The following SEMA3B variants were observed in gnomAD, a reference collection of about 807,000 sequenced individuals.
The protein encoded by SEMA3B is semaphorin 3B.
Under a neutral mutation model 77.8 loss-of-function variants are expected in SEMA3B, and 71 were observed. That is an observed-to-expected ratio of 0.91 (90% confidence interval 0.75 to 1.11). SEMA3B has a LOEUF of 1.11. SEMA3B is among the 50% of genes most tolerant of loss of function. The pLI is 0.00. For missense variants in SEMA3B, 968 were observed against 1,056.8 expected, an observed-to-expected ratio of 0.92 and a Z score of 1.17; for synonymous variants, 470 against 452.9, an observed-to-expected ratio of 1.04 and a Z score of -0.48.
At position 50,270,626 on chromosome 3, in the gene SEMA3B, G is replaced by A; in HGVS notation, c.330+131G>A. 2 of 1,325,772 alleles carry A rather than the reference G, an allele frequency of 1.5e-6. No homozygotes were observed. The highest frequency in any genetic ancestry group is 2.1e-6 in the Non-Finnish European group (2 of 960,964). 82.1% of individuals were successfully genotyped at this position (1,325,772 alleles called of 1,614,324 possible). On this transcript the variant is annotated intron_variant, in intron 3 of 16. Transcript: ENST00000616701. This position sits in a 1 kb window ranked among gnomAD's most constrained non-coding sequence, Gnocchi z 4.7. ...AGGGAGGTCGAGGTGGCTGAGGTCT[G>A]GGGGTGGTGAGTCAGGGTGGGGGCT...
upstream of SEMA3B, among the ~76,000 whole-genome samples, chr3:50,264,953 C>T (rs977244187): frequency 1.1e-4 from 17 of 151,994 alleles, no homozygotes; most frequent in Non-Finnish European, 2.1e-4. Context: ...GGTAGGGCCA[C>T]AGCCAAAGGC....
Position 50,275,772 on chromosome 3 carries a change from G to C in SEMA3B, c.1773G>C (p.Glu591Asp), listed in dbSNP as rs1553706512. 1.9e-6 allele frequency: 3 copies of C among 1,613,010 alleles called. No individual in the cohort carries two copies. The highest frequency in any genetic ancestry group is 1.7e-5 in the Admixed American group (1 of 59,998). Reference protein sequence around the residue: ...FGVEGSSAFLECEPRSLQARV... With the variant: ...FGVEGSSAFLDCEPRSLQARV... ...TGGAGGGCAGCAGCGCCTTTCTGGA[G>C]TGTGAGCCCCGCTCGCTGCAGGCGC... The change falls in exon 16 of 17, where the codon GAG becomes GAC. Residue 591 changes from glutamate to aspartate, a missense_variant. Coordinates refer to ENST00000616701, the MANE Select transcript of SEMA3B (RefSeq NM_001290060.2). The surrounding 1 kb of genome is among the most constrained non-coding windows in gnomAD (Gnocchi z 7.5).
Position 50,275,834 on chromosome 3 carries a change from C to A in SEMA3B, c.1835C>A (p.Ala612Asp). 3 of 1,602,300 alleles carry A rather than the reference C, an allele frequency of 1.9e-6. 1 individual carries two copies. Among genetic ancestry groups the A allele is most frequent in the South Asian group, 2.2e-5 (2 of 90,154 alleles). ...EWTFQRAGVT[A>D]HTQVLAEERT... ...ACTTTCCAGCGCGCAGGGGTGACAGCCCACACCCAGGTGAGCCTTACTCCG... is the reference window on the plus strand; with the variant it reads ...ACTTTCCAGCGCGCAGGGGTGACAGACCACACCCAGGTGAGCCTTACTCCG... The change falls in exon 16 of 17, where the codon GCC becomes GAC. Residue 612 changes from alanine (A) to aspartate (D), a missense_variant. Ala to Asp is a moderately radical substitution (Grantham distance 126). Transcript: ENST00000616701. This position sits in a 1 kb window ranked among gnomAD's most constrained non-coding sequence, Gnocchi z 7.5.
the SEMA3B span, chr3:50,261,244 G>C: frequency 3.3e-5 from 5 of 152,430 alleles, no homozygotes; most frequent in African/African-American, 1.2e-4. Context: ...GAGAACTGCA[G>C]CTGTGAGGCC....
upstream of SEMA3B, among the ~76,000 whole-genome samples, chr3:50,268,556 G>A (rs2109233955): frequency 6.6e-6 from 1 of 152,278 alleles, no homozygotes; most frequent in East Asian, 1.9e-4. Context: ...ACATAGATGT[G>A]CACACACATG....
In SEMA3B at chr3:50,271,407, CTT is replaced by C; in HGVS notation, c.593_594del (p.Phe198TyrfsTer24). Reference protein sequence around the residue: ...GVAADLMGRDFTIFRSLGQRP... With the variant: ...GVAADLMGRDXTIFRSLGQRP... ...TGGCAGCAGACCTCATGGGACGAGA[CTT>C]TACCATCTTTCGCAGCCTAGGGCAA... On this transcript the variant is annotated frameshift_variant, in exon 6 of 17. Coordinates refer to ENST00000616701, the MANE Select transcript of SEMA3B (RefSeq NM_001290060.2). LOFTEE classifies it high-confidence loss of function. 6.3e-7 allele frequency: 1 copy of C among 1,591,112 alleles called. No homozygotes were observed. The highest frequency in any genetic ancestry group is 8.6e-7 in the Non-Finnish European group (1 of 1,168,924).
chr3:50,267,061 C>A (rs1553704573), upstream of SEMA3B, among the ~76,000 whole-genome samples: 1 of 152,188 alleles, frequency 6.6e-6, no homozygotes, highest in Non-Finnish European at 1.5e-5. The surrounding 1 kb of genome is among the most constrained non-coding windows in gnomAD (Gnocchi z 5.7). Context: ...TCCTCTCCCT[C>A]CCCTATCTGG....
Position 50,276,094 on chromosome 3 carries a change from CAAG to C in SEMA3B, c.1846-207_1846-205del. The C allele has an allele frequency of 5.2e-6, 4 of 766,882 alleles. No individual in the cohort carries two copies. Among genetic ancestry groups the C allele is most frequent in the Non-Finnish European group, 7.9e-6 (4 of 503,936 alleles). The allele number at this position is 766,882 out of a possible 1,614,324, so 47.5% of individuals were successfully genotyped here. ...ATTAAGGTCCCTGACCACCCCCCAC[CAAG>C]TTCATGTAAACCCCGCCTCTTTCGG... On this transcript the variant is annotated intron_variant, in intron 16 of 16. Transcript: ENST00000616701. The surrounding 1 kb of genome is among the most constrained non-coding windows in gnomAD (Gnocchi z 5.8).
chr3:50,266,749 T>A (rs587755564), upstream of SEMA3B: 1 of 152,330 alleles, frequency 6.6e-6, no homozygotes, highest in South Asian at 2.1e-4. Flanking sequence ...ATGGGGCACG[T>A]TCACCAGACT....
the SEMA3B span, chr3:50,261,501 AGAG>A: frequency 6.6e-6 from 1 of 152,490 alleles, no homozygotes; most frequent in African/African-American, 2.4e-5. Flanking sequence ...GAGGCCTGAG[AGAG>A]GAGAGTAGAG....
Position 50,271,009 on chromosome 3 carries a change from G to A in SEMA3B, c.450G>A (p.Glu150=). The A allele has an allele frequency of 6.3e-7, 1 of 1,599,748 alleles. No homozygotes were observed. The highest frequency in any genetic ancestry group is 1.1e-5 in the South Asian group (1 of 88,628). Residue 150 remains glutamate (E), a splice_region_variant and synonymous_variant, in exon 4 of 17, where the codon GAG becomes GAA. Coordinates refer to ENST00000616701, the MANE Select transcript of SEMA3B (RefSeq NM_001290060.2). ...TTGTGGAAGTGGGCCACCGGGCAGAGGTAAGGCCGGATCTAGGCAGGGAGG... is the reference window on the plus strand; with the variant it reads ...TTGTGGAAGTGGGCCACCGGGCAGAAGTAAGGCCGGATCTAGGCAGGGAGG... ...CAFVEVGHRA[E]EPVLRLDPGR... is the part of the protein sequence containing the mutation.
rs1553705883 is a variant in SEMA3B, at chr3:50,273,734, C to T, written c.923-25C>T. 1 of 1,604,698 alleles carries T rather than the reference C, an allele frequency of 6.2e-7. No homozygotes were observed. Among genetic ancestry groups the T allele is most frequent in the Admixed American group, 1.7e-5 (1 of 59,650 alleles). ...CGCCGCAGCGGGGCTGTGCGCCCTA[C>T]CCCAGCTAGGCCCCTTCCCCGCAGA... On this transcript the variant is annotated intron_variant, in intron 8 of 16. Coordinates refer to ENST00000616701, the MANE Select transcript of SEMA3B (RefSeq NM_001290060.2). The surrounding 1 kb of genome is among the most constrained non-coding windows in gnomAD (Gnocchi z 6.5).
rs933726373 is a variant in SEMA3B, at chr3:50,276,337, G to A, written c.1881G>A (p.Arg627=). The change falls in exon 17 of 17, where the codon CGG becomes CGA. Residue 627 remains arginine (R), a synonymous_variant. Transcript: ENST00000616701. The surrounding 1 kb of genome is among the most constrained non-coding windows in gnomAD (Gnocchi z 5.8). ...LAEERTERTA[R]GLLLRRLRRR... The stretch of plus-strand genomic sequence containing the variant: ...AGGAGCGCACCGAGCGCACCGCCCG[G>A]GGACTACTGCTGCGCAGGCTGCGGC... 3.3e-6 allele frequency: 5 copies of A among 1,529,168 alleles called. No individual in the cohort carries two copies. Among genetic ancestry groups the A allele is most frequent in the Non-Finnish European group, 3.5e-6 (4 of 1,141,832 alleles). The allele number at this position is 1,529,168 out of a possible 1,614,324, so 94.7% of individuals were successfully genotyped here.
upstream of SEMA3B, among the ~76,000 whole-genome samples, chr3:50,265,594 C>T (rs1553704338): frequency 6.6e-6 from 1 of 152,196 alleles, no homozygotes; most frequent in Non-Finnish European, 1.5e-5. Flanking sequence ...CAGGTCTCTG[C>T]CCATGGAAGC....
Position 50,274,660 on chromosome 3 carries a change from T to G in SEMA3B, c.1357+78T>G. ...GCTGATGGAAGCTCTCCCTGTTCAGTCCCATCTCCACATCCTTTCCTGGGC... is the reference window on the plus strand; with the variant it reads ...GCTGATGGAAGCTCTCCCTGTTCAGGCCCATCTCCACATCCTTTCCTGGGC... On this transcript the variant is annotated intron_variant, in intron 11 of 16. Coordinates refer to ENST00000616701, the MANE Select transcript of SEMA3B (RefSeq NM_001290060.2). The surrounding 1 kb of genome is among the most constrained non-coding windows in gnomAD (Gnocchi z 4.7). 7 of 1,478,106 alleles carry G rather than the reference T, an allele frequency of 4.7e-6. No individual in the cohort carries two copies. The highest frequency in any genetic ancestry group is 1.3e-5 in the South Asian group (1 of 76,568). 91.6% of individuals were successfully genotyped at this position (1,478,106 alleles called of 1,614,324 possible). A position where few individuals can be genotyped will look rare whatever the true frequency, so the allele number is the denominator to read the frequency against.
chr3:50,270,694 G>A lies in SEMA3B; in HGVS notation c.331-196G>A. Reference sequence around the variant, plus strand: ...GTGCCTCTGAGTCATGGGAGGCTTTGCAGGCCTGTGCTTCCCCAGACACCC... The same window carrying A: ...GTGCCTCTGAGTCATGGGAGGCTTTACAGGCCTGTGCTTCCCCAGACACCC... On this transcript the variant is annotated intron_variant, in intron 3 of 16. Transcript: ENST00000616701. The surrounding 1 kb of genome is among the most constrained non-coding windows in gnomAD (Gnocchi z 4.7). The A allele has an allele frequency of 8.6e-7, 1 of 1,158,092 alleles. No individual in the cohort carries two copies. Among genetic ancestry groups the A allele is most frequent in the Non-Finnish European group, 1.2e-6 (1 of 833,284 alleles). The allele number at this position is 1,158,092 out of a possible 1,614,324, so 71.7% of individuals were successfully genotyped here.
At chr3:50,271,962 G>A (rs1207990672) in intron 6 of SEMA3B, among the ~76,000 whole-genome samples, 6 of 152,200 alleles carry the variant, frequency 3.9e-5, no homozygotes, top group African/African-American at 1.4e-4. Context: ...TGGACTGTCA[G>A]GGGCCAGAGT....
Position 50,274,444 on chromosome 3 carries a change from C to G in SEMA3B, c.1219C>G (p.Leu407Val), listed in dbSNP as rs781880788. 4.6e-6 allele frequency: 7 copies of G among 1,533,390 alleles called. No individual in the cohort carries two copies. In the East Asian group the frequency reaches 9.2e-5, roughly 20 times the overall value. 95.0% of individuals were successfully genotyped at this position (1,533,390 alleles called of 1,614,324 possible). A position where few individuals can be genotyped will look rare whatever the true frequency, so the allele number is the denominator to read the frequency against. The change falls in exon 11 of 17, where the codon CTC becomes GTC. Residue 407 changes from leucine to valine, a missense_variant. Physicochemically the swap from Leu to Val is conservative, Grantham distance 32 (BLOSUM62 1). Transcript: ENST00000616701. This position sits in a 1 kb window ranked among gnomAD's most constrained non-coding sequence, Gnocchi z 4.7. ...DVIQFARNHP[L>V]MYNSVLPTGG... ...CATCCAGTTTGCGCGGAACCACCCC[C>G]TCATGTACAACTCTGTCCTGCCCAC...
chr3:50,276,793 G>C lies in SEMA3B; in HGVS notation c.*87G>C, dbSNP rs761391812. On this transcript the variant is annotated 3_prime_UTR_variant, in exon 17 of 17. Transcript: ENST00000616701. This position sits in a 1 kb window ranked among gnomAD's most constrained non-coding sequence, Gnocchi z 5.8. Reference sequence around the variant, plus strand: ...ACCCTGAAAAGAAGGACGGGTTGGGGCCGGGCACATTGGGGGTCACCGGCC... The same window carrying C: ...ACCCTGAAAAGAAGGACGGGTTGGGCCCGGGCACATTGGGGGTCACCGGCC... The C allele has an allele frequency of 7.2e-7, 1 of 1,388,884 alleles. No homozygotes were observed. The highest frequency in any genetic ancestry group is 3.2e-5 in the Admixed American group (1 of 30,990). 86.0% of individuals were successfully genotyped at this position (1,388,884 alleles called of 1,614,324 possible). A position where few individuals can be genotyped will look rare whatever the true frequency, so the allele number is the denominator to read the frequency against.
Sources: gnomAD v4.1 joint callset for allele counts (sites outside exome capture counted in the v4.1 genomes callset) on GRCh38, gnomAD v4.1.1 for gene constraint, Gnocchi (gnomAD v3.1) non-coding constraint, MANE v1.5 for transcripts, NCBI Gene and HGNC (gene_info 2026-07-23, HGNC 2026-07-21) for gene names.